Variants in ZNF274 observed in about 807,000 individuals in gnomAD.
ZNF274 encodes the protein neurotrophin receptor-interacting factor homolog.
Under a neutral mutation model 42.5 loss-of-function variants are expected in ZNF274, and 23 were observed. The ratio of observed to expected loss-of-function variants is 0.54; its 90% confidence interval spans 0.39 to 0.77. ZNF274 has a LOEUF of 0.77. Among genes scored for constraint, ZNF274 ranks in the 30% least tolerant of loss-of-function variants. The pLI, the probability that ZNF274 is intolerant of heterozygous loss-of-function variation, is 0.00. For missense variants in ZNF274, 679 were observed against 806.5 expected (o/e 0.84, Z 1.91); for synonymous variants, 292 against 305.4 (o/e 0.96, Z 0.46).
chr19:58,192,867 C>T (rs954363709), intron 4 of ZNF274, among the ~76,000 whole-genome samples: 25 of 152,162 alleles, frequency 1.6e-4, no homozygotes, highest in Non-Finnish European at 1.9e-4. Context: ...GCCTCAGCTT[C>T]GTGAGTAGCT....
intron 4 of ZNF274, among the ~76,000 whole-genome samples, chr19:58,205,202 A>G (rs977317268): frequency 4.6e-5 from 7 of 152,188 alleles, no homozygotes; most frequent in African/African-American, 1.4e-4. Context: ...ATGCTGAGCT[A>G]CTTCCTGGTA....
Position 58,188,694 on chromosome 19 carries a change from G to GTATATGTATATGTA in ZNF274, c.256+1657_256+1658insGTATATGTATATAT, listed in dbSNP as rs1221412961. Among the ~76,000 whole-genome samples, 167 of 74,640 alleles carry GTATATGTATATGTA rather than the reference G, an allele frequency of 2.2e-3. 2 individuals carry two copies. Among genetic ancestry groups the GTATATGTATATGTA allele is most frequent in the African/African-American group, 8.7e-3 (161 of 18,500 alleles). 49.0% of individuals were successfully genotyped at this position (74,640 alleles called of 152,430 possible). A position where few individuals can be genotyped will look rare whatever the true frequency, so the allele number is the denominator to read the frequency against. On this transcript the variant is annotated intron_variant, in intron 4 of 7. Coordinates refer to ENST00000617501, the MANE Select transcript of ZNF274 (RefSeq NM_133502.3). ...TGTGTGTGTATATATATATGTATAT[G>GTATATGTATATGTA]TATATATATATATATATATATATAT...
chr19:58,202,799 T>G (rs999730479), intron 4 of ZNF274, among the ~76,000 whole-genome samples: 15 of 152,194 alleles, frequency 9.9e-5, no homozygotes, highest in African/African-American at 3.6e-4. Context: ...TTTGGAGGAC[T>G]GAGGTGCACA....
Position 58,209,982 on chromosome 19 carries a change from C to T in ZNF274, c.761C>T (p.Ala254Val). 1.2e-6 allele frequency: 2 copies of T among 1,613,106 alleles called. No individual in the cohort carries two copies. Among genetic ancestry groups the T allele is most frequent in the Non-Finnish European group, 8.5e-7 (1 of 1,179,600 alleles). The change falls in exon 6 of 8, where the codon GCC (alanine) becomes GTC (valine). Residue 254 changes from alanine (A) to valine (V), a missense_variant. Around this residue, in one of 2 missense-constraint regions of ZNF274, gnomAD observed 456 missense variants for 590.1 expected, o/e 0.77. Transcript: ENST00000617501. ...CCAGTACTTCCTGCAGGACAACCTG[C>T]CGAGGGCACCACCTGCTGCCTCGAG... ...EEEVLPAGQP[A>V]EGTTCCLEVT...
chr19:58,183,927 G>A lies in ZNF274; in HGVS notation c.-39G>A, dbSNP rs2075662714. On this transcript the variant is annotated 5_prime_UTR_variant, in exon 2 of 8. Coordinates refer to ENST00000617501, the MANE Select transcript of ZNF274 (RefSeq NM_133502.3). The stretch of plus-strand genomic sequence containing the variant: ...CCAACTTCGGTTTCCTCAGGACTCT[G>A]CCCACTTCCACCAGAGACACATTGA... The A allele has an allele frequency of 2.5e-6, 4 of 1,579,196 alleles. No individual in the cohort carries two copies. The highest frequency in any genetic ancestry group is 3.4e-6 in the Non-Finnish European group (4 of 1,162,192).
At position 58,211,183 on chromosome 19, in the gene ZNF274, C is replaced by G. The variant is rs535800355; in HGVS notation, c.853-377C>G. On this transcript the variant is annotated intron_variant, in intron 6 of 7. Transcript: ENST00000617501. This position sits in a 1 kb window ranked among gnomAD's most constrained non-coding sequence, Gnocchi z 4.8. ...CTGCCCTCCCCCAGGTCAGCCCTGTCGACAAAGGCAGGGGCTTGGTTGTCA... is the reference window on the plus strand; with the variant it reads ...CTGCCCTCCCCCAGGTCAGCCCTGTGGACAAAGGCAGGGGCTTGGTTGTCA... 2.4e-5 allele frequency: 4 copies of G among 164,720 alleles called. No individual in the cohort carries two copies. The highest frequency in any genetic ancestry group is 9.5e-5 in the African/African-American group (4 of 42,066). 10.2% of individuals were successfully genotyped at this position (164,720 alleles called of 1,614,324 possible). A position where few individuals can be genotyped will look rare whatever the true frequency, so the allele number is the denominator to read the frequency against.
chr19:58,211,281 AG>A lies in ZNF274; in HGVS notation c.853-278del. The A allele has an allele frequency of 3.2e-6, 1 of 314,234 alleles. No individual in the cohort carries two copies. Among genetic ancestry groups the A allele is most frequent in the Non-Finnish European group, 5.8e-6 (1 of 171,724 alleles). 19.5% of individuals were successfully genotyped at this position (314,234 alleles called of 1,614,324 possible). A position where few individuals can be genotyped will look rare whatever the true frequency, so the allele number is the denominator to read the frequency against. ...AGTGGGAAGATTTCAGCAATGGGCAAGCTGGATAGAGCCGTGGTTAGGATGG... is the reference window on the plus strand; with the variant it reads ...AGTGGGAAGATTTCAGCAATGGGCAACTGGATAGAGCCGTGGTTAGGATGG... On this transcript the variant is annotated intron_variant, in intron 6 of 7. Coordinates refer to ENST00000617501, the MANE Select transcript of ZNF274 (RefSeq NM_133502.3). This position sits in a 1 kb window ranked among gnomAD's most constrained non-coding sequence, Gnocchi z 4.8.
Position 58,211,417 on chromosome 19 carries a change from T to C in ZNF274, c.853-143T>C, listed in dbSNP as rs2076038486. On this transcript the variant is annotated intron_variant, in intron 6 of 7. Transcript: ENST00000617501. This position sits in a 1 kb window ranked among gnomAD's most constrained non-coding sequence, Gnocchi z 4.8. ...AGTAGAACTCTTGTGGGCCCTGGGT[T>C]GGTGTCTCTGAGCAAATCCCCAAAG... is the stretch of plus-strand genomic sequence containing the variant. 1.9e-5 allele frequency: 20 copies of C among 1,078,352 alleles called. No homozygotes were observed. In the East Asian group the frequency reaches 5.4e-4, roughly 29 times the overall value. 66.8% of individuals were successfully genotyped at this position (1,078,352 alleles called of 1,614,324 possible).
intron 2 of ZNF274, chr19:58,184,343 G>GTCGCC (rs2075670236): frequency 4.7e-6 from 1 of 212,424 alleles, no homozygotes; most frequent in Admixed American, 5.5e-5. Context: ...AGGCTGGAGT[G>GTCGCC]CAGTGGCGCG....
At chr19:58,184,824 TAAG>T (rs1461624785) in intron 2 of ZNF274, 1 of 152,038 alleles carries the variant, frequency 6.6e-6, no homozygotes, top group Non-Finnish European at 1.5e-5. Flanking sequence ...TTCAAATGAA[TAAG>T]AAATAGGGGG....
chr19:58,203,602 A>G (rs1393297399), intron 4 of ZNF274, among the ~76,000 whole-genome samples: 2 of 152,042 alleles, frequency 1.3e-5, no homozygotes, highest in Non-Finnish European at 2.9e-5. Flanking sequence ...AAAAAGAAAA[A>G]AACGCTGTAA....
Position 58,206,664 on chromosome 19 carries a change from T to C in ZNF274, c.257-56T>C. The C allele has an allele frequency of 8.0e-6, 12 of 1,492,492 alleles. No individual in the cohort carries two copies. In the South Asian group the frequency reaches 1.4e-4, roughly 17 times the overall value. 92.5% of individuals were successfully genotyped at this position (1,492,492 alleles called of 1,614,324 possible). A position where few individuals can be genotyped will look rare whatever the true frequency, so the allele number is the denominator to read the frequency against. ...GCATTTCCCTAGTGAATAATGGCGT[T>C]GAGCATCTTTTCATGTGCTTGTTCT... On this transcript the variant is annotated intron_variant, in intron 4 of 7. Coordinates refer to ENST00000617501, the MANE Select transcript of ZNF274 (RefSeq NM_133502.3).
chr19:58,188,694 G>GTATATGTATATGTATATGTATATA (rs1221412961), intron 4 of ZNF274, among the ~76,000 whole-genome samples: 11 of 74,654 alleles, frequency 1.5e-4, no homozygotes, highest in African/African-American at 4.9e-4. Context: ...ATATGTATAT[G>GTATATGTATATGTATATGTATATA]TATATATATA....
intron 4 of ZNF274, among the ~76,000 whole-genome samples, chr19:58,192,103 A>T (rs1422273728): frequency 6.6e-6 from 1 of 152,178 alleles, no homozygotes; most frequent in Non-Finnish European, 1.5e-5. Flanking sequence ...AAGTCCGTGG[A>T]CATATAGGAT....
chr19:58,208,094 G>T lies in ZNF274; in HGVS notation c.739+892G>T, dbSNP rs1180938468. 1 of 152,276 alleles carries T rather than the reference G, an allele frequency of 6.6e-6. No individual in the cohort carries two copies. Among genetic ancestry groups the T allele is most frequent in the Non-Finnish European group, 1.5e-5 (1 of 68,076 alleles). The allele number at this position is 152,276 out of a possible 1,614,324, so 9.4% of individuals were successfully genotyped here. A position where few individuals can be genotyped will look rare whatever the true frequency, so the allele number is the denominator to read the frequency against. ...TTTGGGAATAAGACTGCAAGACTTG[G>T]TTTCTTCATCAGGCTGAGTTTCACA... On this transcript the variant is annotated intron_variant, in intron 5 of 7. Coordinates refer to ENST00000617501, the MANE Select transcript of ZNF274 (RefSeq NM_133502.3). This position sits in a 1 kb window ranked among gnomAD's most constrained non-coding sequence, Gnocchi z 4.5.
chr19:58,212,970 G>A lies in ZNF274; in HGVS notation c.1789G>A (p.Gly597Arg), dbSNP rs1245432771. 1.2e-6 allele frequency: 2 copies of A among 1,614,032 alleles called. No homozygotes were observed. Among genetic ancestry groups the A allele is most frequent in the Non-Finnish European group, 1.7e-6 (2 of 1,179,908 alleles). ...TAAGCCCTACAAGTGTCAGGACTGT[G>A]GAAAAGCCTTCCGCCAGAGCTCCCA... Reference protein sequence around the residue: ...GAKPYKCQDCGKAFRQSSHLI... With the variant: ...GAKPYKCQDCRKAFRQSSHLI... The change falls in exon 8 of 8, where the codon GGA (glycine) becomes AGA (arginine). Residue 597 changes from glycine to arginine, a missense_variant. Coordinates refer to ENST00000617501, the MANE Select transcript of ZNF274 (RefSeq NM_133502.3). This position sits in a 1 kb window ranked among gnomAD's most constrained non-coding sequence, Gnocchi z 4.6.
At chr19:58,194,171 T>G (rs1265058173) in intron 4 of ZNF274, among the ~76,000 whole-genome samples, 1 of 151,948 alleles carries the variant, frequency 6.6e-6, no homozygotes, top group Non-Finnish European at 1.5e-5. Context: ...GAGATTGCAG[T>G]GCACCACTGC....
At chr19:58,197,541 T>TTA (rs1390756536) in intron 4 of ZNF274, among the ~76,000 whole-genome samples, 1 of 152,192 alleles carries the variant, frequency 6.6e-6, no homozygotes, top group Non-Finnish European at 1.5e-5. Context: ...AGGTGTTCTT[T>TTA]TACTTCTGTA....
At chr19:58,195,609 G>A (rs1221848505) in intron 4 of ZNF274, among the ~76,000 whole-genome samples, 1 of 152,128 alleles carries the variant, frequency 6.6e-6, no homozygotes, top group African/African-American at 2.4e-5. Flanking sequence ...ACAACTCTGT[G>A]TGCTTCTCGA....
Sources: gnomAD v4.1 joint callset for allele counts (sites outside exome capture counted in the v4.1 genomes callset) on GRCh38, gnomAD v4.1.1 for gene constraint, gnomAD v4.1.1 regional missense constraint, Gnocchi (gnomAD v3.1) non-coding constraint, MANE v1.5 for transcripts, NCBI Gene and HGNC (gene_info 2026-07-23, HGNC 2026-07-21) for gene names.